The following EFNA2 variants were observed in gnomAD, a reference collection of about 807,000 sequenced individuals.
EFNA2 encodes ephrin-A2.
EFNA2 carries 18 observed loss-of-function variants against 19.7 expected under a neutral mutation model. The ratio of observed to expected loss-of-function variants is 0.91; its 90% CI spans 0.63 to 1.35. The LOEUF is 1.35. EFNA2 is among the 40% of genes most tolerant of loss of function. EFNA2 has a pLI of 0.00. For synonymous variants in EFNA2, 187 were observed against 137.8 expected (o/e 1.36, Z -2.50); for missense variants, 303 against 296.0 (o/e 1.02, Z -0.17).
rs1250201087 is a variant in EFNA2 at position 1,300,077 on chromosome 19, C to T, written c.*132C>T. ...ACGCTGCTTCTCCCTCGCCTGGTGC[C>T]GCCCCCGCCGGGCAGGGGCCATCCA... is the stretch of plus-strand genomic sequence containing the variant. On this transcript the variant is annotated 3_prime_UTR_variant, in exon 4 of 4. Transcript: ENST00000215368. The T allele has an allele frequency of 4.6e-6, 6 of 1,295,390 alleles. No homozygotes were observed. The highest frequency in any genetic ancestry group is 1.6e-5 in the South Asian group (1 of 63,822). 80.2% of individuals were successfully genotyped at this position (1,295,390 alleles called of 1,614,324 possible).
In EFNA2 at chr19:1,287,323, C is replaced by T. The variant is rs1397934915; in HGVS notation, c.140+1015C>T. Among the ~76,000 whole-genome samples, 1 of 152,124 alleles carries T rather than the reference C, an allele frequency of 6.6e-6. No individual in the cohort carries two copies. The highest frequency in any genetic ancestry group is 6.5e-5 in the Admixed American group (1 of 15,276). ...GCTCGGGAGGGAGTCAGCCCCAGCA[C>T]TCAGGGTGTCACCGTCTTCCTAAGG... On this transcript the variant is annotated intron_variant, in intron 1 of 3. Coordinates refer to ENST00000215368, the MANE Select transcript of EFNA2 (RefSeq NM_001405.4). This position sits in a 1 kb window ranked among gnomAD's most constrained non-coding sequence, Gnocchi z 6.2.
rs911163484 is a variant in EFNA2, at chr19:1,295,551, C to T, written c.147C>T (p.His49=). 4 of 1,592,164 alleles carry T rather than the reference C, an allele frequency of 2.5e-6. No individual in the cohort carries two copies. The highest frequency in any genetic ancestry group is 3.4e-6 in the Non-Finnish European group (4 of 1,169,304). The change falls in exon 2 of 4, where the codon CAC becomes CAT. Residue 49 remains histidine (H), a synonymous_variant. Transcript: ENST00000215368. The surrounding 1 kb of genome is among the most constrained non-coding windows in gnomAD (Gnocchi z 5.8). ...VYWNRSNPRF[H]AGAGDDGGGY... is the part of the protein sequence containing the mutation. ...GGCCGCCTTGTCCCCGCAGGTTCCA[C>T]GCAGGCGCGGGGGACGACGGCGGGG... is the stretch of plus-strand genomic sequence containing the variant.
rs1246792992 is a variant in EFNA2, at chr19:1,295,944, T to G, written c.454+86T>G. ...CAGGAAGTGGGCGGGACCACTGGGGTGGGGCCGGGGAGTGGGCGGGGCAGC... is the reference window on the plus strand; with the variant it reads ...CAGGAAGTGGGCGGGACCACTGGGGGGGGGCCGGGGAGTGGGCGGGGCAGC... On this transcript the variant is annotated intron_variant, in intron 2 of 3. Transcript: ENST00000215368. The surrounding 1 kb of genome is among the most constrained non-coding windows in gnomAD (Gnocchi z 5.8). 1.3e-4 allele frequency: 34 copies of G among 261,076 alleles called. No homozygotes were observed. The highest frequency in any genetic ancestry group is 4.9e-4 in the East Asian group (2 of 4,110). The allele number at this position is 261,076 out of a possible 1,614,324, so 16.2% of individuals were successfully genotyped here.
chr19:1,284,594 G>A (rs192739876), upstream of EFNA2, among the ~76,000 whole-genome samples: 40 of 152,308 alleles, frequency 2.6e-4, no homozygotes, highest in East Asian at 2.5e-3. This position sits in a 1 kb window ranked among gnomAD's most constrained non-coding sequence, Gnocchi z 5.3. Context: ...CTGGGGAATC[G>A]GGGGAGGAGG....
At position 1,296,457 on chromosome 19, in the gene EFNA2, A is replaced by C. The variant is rs35115919; in HGVS notation, c.454+599A>C. ...TTTGGGATGCCGAGGCGGGAGGATC[A>C]CTTGAGGCCAGCGTGGACAACGTAG... is the stretch of plus-strand genomic sequence containing the variant. On this transcript the variant is annotated intron_variant, in intron 2 of 3. Coordinates refer to ENST00000215368, the MANE Select transcript of EFNA2 (RefSeq NM_001405.4). This position sits in a 1 kb window ranked among gnomAD's most constrained non-coding sequence, Gnocchi z 4.4. Among the ~76,000 whole-genome samples, 217 of 152,274 alleles carry C rather than the reference A, an allele frequency of 1.4e-3. No homozygotes were observed. The highest frequency in any genetic ancestry group is 5.1e-3 in the African/African-American group (213 of 41,544).
Position 1,295,650 on chromosome 19 carries a change from G to C in EFNA2, c.246G>C (p.Pro82=). The C allele has an allele frequency of 6.2e-7, 1 of 1,611,706 alleles. No individual in the cohort carries two copies. The highest frequency in any genetic ancestry group is 1.7e-4 in the Middle Eastern group (1 of 6,054). Residue 82 remains proline (P), a synonymous_variant, in exon 2 of 4, where the codon CCG becomes CCC. Coordinates refer to ENST00000215368, the MANE Select transcript of EFNA2 (RefSeq NM_001405.4). The surrounding 1 kb of genome is among the most constrained non-coding windows in gnomAD (Gnocchi z 5.8). ...YCPHYGAPLP[P]AERMEHYVLY... is the part of the protein sequence containing the mutation. The stretch of plus-strand genomic sequence containing the variant: ...CGCACTATGGGGCGCCGCTGCCGCC[G>C]GCCGAGCGCATGGAGCACTACGTGC...
rs573245003 is a variant in EFNA2, at chr19:1,296,131, C to G, written c.454+273C>G. Among the ~76,000 whole-genome samples the G allele has an allele frequency of 6.6e-6, 1 of 152,326 alleles. No homozygotes were observed. The highest frequency in any genetic ancestry group is 2.1e-4 in the South Asian group (1 of 4,830). On this transcript the variant is annotated intron_variant, in intron 2 of 3. Coordinates refer to ENST00000215368, the MANE Select transcript of EFNA2 (RefSeq NM_001405.4). This position sits in a 1 kb window ranked among gnomAD's most constrained non-coding sequence, Gnocchi z 4.4. ...CTCCAGATGTCAAGTGCATGATGGA[C>G]GTGCCATTCTCCCAACCATCCCGGG...
rs2081522821 is a variant in EFNA2 at position 1,297,848 on chromosome 19, G to C, written c.455-703G>C. ...GCACTTTGGGAGGCCGAGGCGGGTG[G>C]ATCACCTGAGGTCAGGAGTTCAAGA... On this transcript the variant is annotated intron_variant, in intron 2 of 3. Coordinates refer to ENST00000215368, the MANE Select transcript of EFNA2 (RefSeq NM_001405.4). This position sits in a 1 kb window ranked among gnomAD's most constrained non-coding sequence, Gnocchi z 5.0. Among the ~76,000 whole-genome samples the C allele has an allele frequency of 6.6e-6, 1 of 152,060 alleles. No individual in the cohort carries two copies. Among genetic ancestry groups the C allele is most frequent in the African/African-American group, 2.4e-5 (1 of 41,408 alleles).
At chr19:1,299,063 C>T (rs2081528552) in intron 3 of EFNA2, among the ~76,000 whole-genome samples, 1 of 152,110 alleles carries the variant, frequency 6.6e-6, no homozygotes, top group Admixed American at 6.5e-5. Context: ...CATGGCGAAA[C>T]CCCATCTCTA....
Position 1,294,199 on chromosome 19 carries a change from T to C in EFNA2, c.141-1346T>C, listed in dbSNP as rs990497059. Among the ~76,000 whole-genome samples the C allele has an allele frequency of 6.6e-6, 1 of 152,184 alleles. No individual in the cohort carries two copies. The highest frequency in any genetic ancestry group is 2.4e-5 in the African/African-American group (1 of 41,450). On this transcript the variant is annotated intron_variant, in intron 1 of 3. Coordinates refer to ENST00000215368, the MANE Select transcript of EFNA2 (RefSeq NM_001405.4). This position sits in a 1 kb window ranked among gnomAD's most constrained non-coding sequence, Gnocchi z 5.8. ...CCTGTTCAGGTCTTTTATGTGCTAA[T>C]AAGCCCCTCTCAGGGCCCCCCTCGT...
chr19:1,296,162 A>G lies in EFNA2; in HGVS notation c.454+304A>G, dbSNP rs2081514781. Among the ~76,000 whole-genome samples the G allele has an allele frequency of 1.3e-5, 2 of 152,226 alleles. No homozygotes were observed. The highest frequency in any genetic ancestry group is 4.8e-5 in the African/African-American group (2 of 41,462). ...ATTCTCCCAACCATCCCGGGAGGCC[A>G]GGACTTTCCTCGTCCTTCGTTGCAT... is the stretch of plus-strand genomic sequence containing the variant. On this transcript the variant is annotated intron_variant, in intron 2 of 3. Coordinates refer to ENST00000215368, the MANE Select transcript of EFNA2 (RefSeq NM_001405.4). The surrounding 1 kb of genome is among the most constrained non-coding windows in gnomAD (Gnocchi z 4.4).
In EFNA2 at chr19:1,301,266, C is replaced by T. The variant is rs1053210555; in HGVS notation, c.*1321C>T. 9.6e-5 allele frequency among the ~76,000 whole-genome samples: 14 copies of T among 146,324 alleles called. No individual in the cohort carries two copies. Among genetic ancestry groups the T allele is most frequent in the Non-Finnish European group, 1.8e-4 (12 of 66,788 alleles). ...ATTGTGTACGGCCGCCGGCCGGCGG[C>T]TCGAGGCACGCCCGGTGGTGGGGGG... is the stretch of plus-strand genomic sequence containing the variant. On this transcript the variant is annotated 3_prime_UTR_variant, in exon 4 of 4. Transcript: ENST00000215368.
rs1475078779 is a variant in EFNA2 at position 1,287,382 on chromosome 19, C to T, written c.140+1074C>T. 6.6e-6 allele frequency among the ~76,000 whole-genome samples: 1 copy of T among 150,632 alleles called. No individual in the cohort carries two copies. Among genetic ancestry groups the T allele is most frequent in the East Asian group, 1.9e-4 (1 of 5,174 alleles). On this transcript the variant is annotated intron_variant, in intron 1 of 3. Transcript: ENST00000215368. The surrounding 1 kb of genome is among the most constrained non-coding windows in gnomAD (Gnocchi z 6.2). ...GCTGCACATCGGGGGCTGAGGCGGC[C>T]CCCCCCCACTCTTCTGCTACTGGTC...
At position 1,295,586 on chromosome 19, in the gene EFNA2, TGGA is replaced by T. The variant is rs1343062434; in HGVS notation, c.185_187del (p.Glu62del). 6.2e-7 allele frequency: 1 copy of T among 1,609,616 alleles called. No individual in the cohort carries two copies. The highest frequency in any genetic ancestry group is 2.2e-5 in the East Asian group (1 of 44,690). Reference sequence around the variant, plus strand: ...GGGGACGACGGCGGGGGCTACACGGTGGAGGTGAGCATCAATGACTACCTGGAC... The same window carrying T: ...GGGGACGACGGCGGGGGCTACACGGTGGTGAGCATCAATGACTACCTGGAC... On this transcript the variant is annotated inframe_deletion, in exon 2 of 4. Coordinates refer to ENST00000215368, the MANE Select transcript of EFNA2 (RefSeq NM_001405.4). The surrounding 1 kb of genome is among the most constrained non-coding windows in gnomAD (Gnocchi z 5.8).
At chr19:1,298,928 G>A (rs916658961) in intron 3 of EFNA2, among the ~76,000 whole-genome samples, 2 of 152,054 alleles carry the variant, frequency 1.3e-5, no homozygotes, top group African/African-American at 2.4e-5. Context: ...CTGGGTGACA[G>A]AGCAAGACTC....
At chr19:1,292,719 C>G (rs1265220502) in intron 1 of EFNA2, among the ~76,000 whole-genome samples, 1 of 152,122 alleles carries the variant, frequency 6.6e-6, no homozygotes, top group African/African-American at 2.4e-5. Context: ...TTCTGAGGAT[C>G]AGGAATGGAT....
At position 1,296,917 on chromosome 19, in the gene EFNA2, G is replaced by T. The variant is rs1328992652; in HGVS notation, c.454+1059G>T. 6.6e-6 allele frequency among the ~76,000 whole-genome samples: 1 copy of T among 152,226 alleles called. No individual in the cohort carries two copies. The highest frequency in any genetic ancestry group is 1.5e-5 in the Non-Finnish European group (1 of 68,040). On this transcript the variant is annotated intron_variant, in intron 2 of 3. Transcript: ENST00000215368. This position sits in a 1 kb window ranked among gnomAD's most constrained non-coding sequence, Gnocchi z 4.4. ...CTGCCAGTCCCTGCTGCTTATCGGA[G>T]GTCCGAAGCTGGCCTTTTTGTCCCT...
Position 1,300,033 on chromosome 19 carries a change from C to T in EFNA2, c.*88C>T. ...CCTCCGGACCCGGCTGCGGCCCCCG[C>T]CTCCGAGACCAAATAGAGACGCTGC... On this transcript the variant is annotated 3_prime_UTR_variant, in exon 4 of 4. Coordinates refer to ENST00000215368, the MANE Select transcript of EFNA2 (RefSeq NM_001405.4). The T allele has an allele frequency of 6.9e-7, 1 of 1,455,536 alleles. No homozygotes were observed. The highest frequency in any genetic ancestry group is 1.3e-5 in the South Asian group (1 of 74,120). The allele number at this position is 1,455,536 out of a possible 1,614,324, so 90.2% of individuals were successfully genotyped here.
chr19:1,293,232 G>A (rs758525093), intron 1 of EFNA2, among the ~76,000 whole-genome samples: 5 of 152,226 alleles, frequency 3.3e-5, no homozygotes, highest in Non-Finnish European at 7.3e-5. Flanking sequence ...ACCATCGACC[G>A]CCTGATCAAT....
Sources: allele counts gnomAD v4.1 joint callset (sites outside exome capture counted in the v4.1 genomes callset), GRCh38; gene constraint gnomAD v4.1.1; non-coding constraint Gnocchi (gnomAD v3.1); transcripts MANE v1.5; gene names NCBI Gene and HGNC (gene_info 2026-07-23, HGNC 2026-07-21).